The following RBPJ variants were observed in gnomAD, a reference collection of about 807,000 sequenced individuals.
The protein encoded by RBPJ is recombination signal binding protein for immunoglobulin kappa J region.
In RBPJ, 9 loss-of-function variants were observed where a neutral mutation model predicts 67.8. The ratio of observed to expected loss-of-function variants is 0.13; its 90% CI spans 0.08 to 0.23. The LOEUF (loss-of-function observed/expected upper bound fraction) is 0.23, where lower values mean the gene tolerates loss of function less well. Among genes scored for constraint, RBPJ ranks in the 10% least tolerant of loss-of-function variants. RBPJ has a pLI of 1.00. For synonymous variants in RBPJ, 198 were observed against 203.3 expected (o/e 0.97, Z 0.22); for missense variants, 305 against 595.6 (o/e 0.51, Z 5.08).
chr4:26,209,892 T>TTTTCCCATTCCCTCACCTCC (rs1718324464), intron 1 of RBPJ, among the ~76,000 whole-genome samples: 1 of 150,202 alleles, frequency 6.7e-6, no homozygotes, highest in Non-Finnish European at 1.5e-5. Context: ...TTGCTTTTTC[T>TTTTCCCATTCCCTCACCTCC]TTTCCCATTC....
upstream of RBPJ, among the ~76,000 whole-genome samples, chr4:26,316,693 T>C (rs1722657607): frequency 7.0e-6 from 1 of 142,954 alleles, no homozygotes; most frequent in Non-Finnish European, 1.5e-5. Context: ...TATACACATA[T>C]TGTGTATATA....
intron 1 of RBPJ, among the ~76,000 whole-genome samples, chr4:26,244,452 T>TATGTGTGTATAC (rs1560226681): frequency 1.3e-3 from 14 of 11,024 alleles, no homozygotes; most frequent in South Asian, 3.3e-3. Flanking sequence ...TGTGTATACA[T>TATGTGTGTATAC]ATATGTGTGT....
intron 1 of RBPJ, among the ~76,000 whole-genome samples, chr4:26,245,012 C>T (rs1719879597): frequency 6.6e-6 from 1 of 150,896 alleles, no homozygotes. Flanking sequence ...TTAAATAATA[C>T]TAAAATTTAC....
chr4:26,270,429 GAAAGAAAGAA>G (rs1560237969), intron 1 of RBPJ, among the ~76,000 whole-genome samples: 2 of 56,646 alleles, frequency 3.5e-5, no homozygotes, highest in African/African-American at 8.7e-5. Context: ...AAGAAAGAAA[GAAAGAAAGAA>G]GAAAGAAAGA....
At chr4:26,407,374 T>G (rs891507446) in intron 3 of RBPJ, among the ~76,000 whole-genome samples, 1 of 152,202 alleles carries the variant, frequency 6.6e-6, no homozygotes, top group Non-Finnish European at 1.5e-5. Context: ...CTCATACTAC[T>G]TGAATGTGGA....
rs1383964273 is a variant in RBPJ, at chr4:26,207,857, G to A, written c.-167+44243G>A. 3.3e-5 allele frequency among the ~76,000 whole-genome samples: 5 copies of A among 152,318 alleles called. No homozygotes were observed. The East Asian group carries it at 7.7e-4, about 24-fold the overall frequency. The stretch of plus-strand genomic sequence containing the variant: ...CAACAACACACCAAATGCATGAGCC[G>A]TCAGGAGGCCAGGAACCGAGAAGCT... On this transcript the variant is annotated intron_variant, in intron 1 of 4. Coordinates refer to the RBPJ transcript ENST00000512351.
chr4:26,315,350 A>T (rs1722577835), upstream of RBPJ, among the ~76,000 whole-genome samples: 1 of 151,444 alleles, frequency 6.6e-6, no homozygotes, highest in Non-Finnish European at 1.5e-5. Context: ...GTGACATCAC[A>T]TATTGGTAGG....
chr4:26,308,546 T>C (rs1016751114), intron 1 of RBPJ, among the ~76,000 whole-genome samples: 2 of 152,256 alleles, frequency 1.3e-5, no homozygotes, highest in African/African-American at 4.8e-5. Flanking sequence ...CAGCAGCAAC[T>C]ATTGAAAGAG....
the RBPJ span, among the ~76,000 whole-genome samples, chr4:26,141,464 C>A: frequency 6.6e-6 from 1 of 152,348 alleles, no homozygotes. Flanking sequence ...CCGGAACGCC[C>A]AGGAACACTT....
At chr4:26,216,380 A>C (rs1718723821) in intron 1 of RBPJ, among the ~76,000 whole-genome samples, 1 of 152,176 alleles carries the variant, frequency 6.6e-6, no homozygotes, top group Admixed American at 6.6e-5. Flanking sequence ...ATAGTAACTG[A>C]GACCCAAAGG....
chr4:26,138,523 A>G, the RBPJ span, among the ~76,000 whole-genome samples: 1 of 152,170 alleles, frequency 6.6e-6, no homozygotes, highest in Non-Finnish European at 1.5e-5. Context: ...TTACCTGGGG[A>G]TGTCTATCCT....
chr4:26,143,844 C>A, the RBPJ span, among the ~76,000 whole-genome samples: 2 of 152,182 alleles, frequency 1.3e-5, no homozygotes, highest in African/African-American at 4.8e-5. Context: ...AGGAGGATCA[C>A]TTGAGCTCTG....
chr4:26,201,994 T>C (rs987524880), intron 1 of RBPJ, among the ~76,000 whole-genome samples: 3 of 152,230 alleles, frequency 2.0e-5, no homozygotes, highest in African/African-American at 7.2e-5. Context: ...CGAACATGGT[T>C]GATTTCTCCC....
At chr4:26,364,619 C>CTTTTTTT (rs1728426247) in intron 1 of RBPJ, among the ~76,000 whole-genome samples, 1 of 129,726 alleles carries the variant, frequency 7.7e-6, no homozygotes, top group South Asian at 2.4e-4. Context: ...TTTTCTTTTT[C>CTTTTTTT]ATTTTCTTTT....
chr4:26,418,811 A>G (rs925390205), intron 4 of RBPJ, among the ~76,000 whole-genome samples: 1 of 152,172 alleles, frequency 6.6e-6, no homozygotes, highest in African/African-American at 2.4e-5. Context: ...CTTATGTTGC[A>G]GAAGAATTTC....
intron 1 of RBPJ, among the ~76,000 whole-genome samples, chr4:26,285,678 TAAAAAAAA>T (rs545484809): frequency 3.7e-4 from 36 of 96,266 alleles, no homozygotes; most frequent in African/African-American, 1.5e-3. Context: ...ACTGATACGT[TAAAAAAAA>T]AAAAAAAAAA....
chr4:26,142,033 C>G, the RBPJ span, among the ~76,000 whole-genome samples: 2,130 of 152,192 alleles, frequency 0.014, 25 homozygotes, highest in Middle Eastern at 0.027. Flanking sequence ...GTTTAATGTT[C>G]TGTTTCACGA....
chr4:26,202,969 A>AAAAGGAAGGAAG (rs1560208702), intron 1 of RBPJ, among the ~76,000 whole-genome samples: 1 of 41,322 alleles, frequency 2.4e-5, no homozygotes. Flanking sequence ...AAGGAAGGAA[A>AAAAGGAAGGAAG]TAAGGAAGGA....
intron 1 of RBPJ, among the ~76,000 whole-genome samples, chr4:26,214,885 GAGAGAAAAA>G (rs1242273814): frequency 2.0e-5 from 1 of 49,570 alleles, no homozygotes; most frequent in Non-Finnish European, 3.4e-5. Context: ...AAGAAAAAGA[GAGAGAAAAA>G]AGAGAAAAAG....
Sources: allele counts gnomAD v4.1 joint callset (sites outside exome capture counted in the v4.1 genomes callset), GRCh38; gene constraint gnomAD v4.1.1; transcripts MANE v1.5; gene names NCBI Gene and HGNC (gene_info 2026-07-23, HGNC 2026-07-21).